BNC2: variants seen among roughly 807,000 people sequenced by gnomAD.
BNC2 encodes zinc finger protein basonuclin-2.
BNC2 carries 20 observed loss-of-function variants against 76.3 expected under a neutral mutation model. That is an observed-to-expected ratio of 0.26 (90% CI 0.18 to 0.38). The LOEUF is 0.38. Among genes scored for constraint, BNC2 ranks in the 10% least tolerant of loss-of-function variants. The probability of loss-of-function intolerance (pLI) is 1.00; values close to 1 mark genes in which losing one functional copy is unlikely to be tolerated. For missense variants in BNC2, 1,382 were observed against 1,399.8 expected (o/e 0.99, Z 0.20); for synonymous variants, 582 against 514.8 (o/e 1.13, Z -1.77).
intron 1 of BNC2, among the ~76,000 whole-genome samples, chr9:16,779,734 C>T (rs1826071256): frequency 6.6e-6 from 1 of 152,122 alleles, no homozygotes; most frequent in South Asian, 2.1e-4. Context: ...TTACAAAGTA[C>T]CACATATAGT....
At chr9:16,658,013 A>C (rs573103869) in intron 3 of BNC2, among the ~76,000 whole-genome samples, 1 of 152,322 alleles carries the variant, frequency 6.6e-6, no homozygotes, top group East Asian at 1.9e-4. Context: ...GAATAAACAG[A>C]AGTTCAATAA....
chr9:16,461,694 A>T (rs779432856), intron 5 of BNC2, among the ~76,000 whole-genome samples: 6 of 152,144 alleles, frequency 3.9e-5, no homozygotes, highest in African/African-American at 9.7e-5. Context: ...ATCACCAGGG[A>T]CTGCTCGCTC....
chr9:16,630,749 C>CTTTTTTCTTTTTT (rs1554691912), intron 3 of BNC2, among the ~76,000 whole-genome samples: 1 of 140,194 alleles, frequency 7.1e-6, no homozygotes, highest in African/African-American at 2.8e-5. Context: ...TGGAGCGTTT[C>CTTTTTTCTTTTTT]TTTTTTTGAA....
intron 4 of BNC2, among the ~76,000 whole-genome samples, chr9:16,573,276 A>G (rs1819382287): frequency 6.6e-6 from 1 of 152,048 alleles, no homozygotes; most frequent in African/African-American, 2.4e-5. Context: ...TCAAGCCAAG[A>G]TACAGAATTT....
intron 5 of BNC2, among the ~76,000 whole-genome samples, chr9:16,442,734 T>C: frequency 6.6e-6 from 1 of 152,168 alleles, no homozygotes; most frequent in Non-Finnish European, 1.5e-5. Flanking sequence ...GCTTTCTTTC[T>C]GTCCAAGAAT....
intron 1 of BNC2, among the ~76,000 whole-genome samples, chr9:16,827,885 T>A (rs1336912477): frequency 2.0e-5 from 3 of 152,224 alleles, no homozygotes; most frequent in African/African-American, 4.8e-5. Flanking sequence ...TTTGAATCCA[T>A]ATGATATGCC....
intron 1 of BNC2, among the ~76,000 whole-genome samples, chr9:16,751,141 C>A (rs1248887722): frequency 2.7e-5 from 4 of 148,854 alleles, no homozygotes; most frequent in Admixed American, 6.8e-5. Context: ...CAGGTAAGCA[C>A]AAGGAAAACA....
intron 5 of BNC2, among the ~76,000 whole-genome samples, chr9:16,541,576 A>C (rs981124747): frequency 6.6e-6 from 1 of 152,226 alleles, no homozygotes; most frequent in African/African-American, 2.4e-5. Flanking sequence ...GTAGCTCTTA[A>C]TTACTCTTTC....
chr9:16,644,321 G>A (rs1183936380), intron 3 of BNC2, among the ~76,000 whole-genome samples: 1 of 152,122 alleles, frequency 6.6e-6, no homozygotes, highest in Non-Finnish European at 1.5e-5. Flanking sequence ...TGAATCAAGT[G>A]ATCCCTTAGG....
chr9:16,755,972 T>C (rs990489909), intron 1 of BNC2, among the ~76,000 whole-genome samples: 3 of 152,198 alleles, frequency 2.0e-5, no homozygotes, highest in African/African-American at 7.2e-5. Context: ...TTTTACAATG[T>C]AGAGATACGT....
At chr9:16,652,847 G>C (rs1181448339) in intron 3 of BNC2, among the ~76,000 whole-genome samples, 1 of 152,132 alleles carries the variant, frequency 6.6e-6, no homozygotes, top group Non-Finnish European at 1.5e-5. Flanking sequence ...TCAGCAAAGA[G>C]TAACTGAAAC....
chr9:16,651,888 T>G (rs541671770), intron 3 of BNC2, among the ~76,000 whole-genome samples: 278 of 152,336 alleles, frequency 1.8e-3, no homozygotes, highest in Non-Finnish European at 3.4e-3. Context: ...GATTAGCATG[T>G]ATATATTAAA....
At chr9:16,477,438 C>T (rs898163667) in intron 5 of BNC2, among the ~76,000 whole-genome samples, 5 of 151,852 alleles carry the variant, frequency 3.3e-5, no homozygotes, top group African/African-American at 1.2e-4. Flanking sequence ...AAGCAACAGC[C>T]AAAGCTGTCT....
At chr9:16,420,946 A>AG (rs1820697556) in intron 6 of BNC2, among the ~76,000 whole-genome samples, 1 of 152,200 alleles carries the variant, frequency 6.6e-6, no homozygotes, top group African/African-American at 2.4e-5. Context: ...GATACATAAA[A>AG]GCTTCTCAAT....
intron 3 of BNC2, among the ~76,000 whole-genome samples, chr9:16,709,796 T>C (rs148664423): frequency 1.9e-3 from 290 of 152,288 alleles, no homozygotes; most frequent in African/African-American, 6.0e-3. Flanking sequence ...AGTTTAAGCA[T>C]TGTCAACATA....
At chr9:16,806,033 G>C (rs1018068523) in intron 1 of BNC2, among the ~76,000 whole-genome samples, 5 of 152,186 alleles carry the variant, frequency 3.3e-5, no homozygotes, top group Non-Finnish European at 4.4e-5. Context: ...AGAAGGAAAG[G>C]TGTGACCAAA....
intron 3 of BNC2, among the ~76,000 whole-genome samples, chr9:16,629,707 T>C (rs1011275471): frequency 6.6e-6 from 1 of 152,184 alleles, no homozygotes; most frequent in Non-Finnish European, 1.5e-5. Flanking sequence ...GTTTATTCGA[T>C]GCTGTAGTCT....
intron 3 of BNC2, chr9:16,685,524 G>A (rs1822949533): frequency 3.9e-6 from 5 of 1,292,902 alleles, no homozygotes; most frequent in South Asian, 3.7e-5. Context: ...CCCTAGCTGA[G>A]AAAACAGTTA....
At chr9:16,456,616 C>T (rs1190992994) in intron 5 of BNC2, among the ~76,000 whole-genome samples, 1 of 151,978 alleles carries the variant, frequency 6.6e-6, no homozygotes, top group Non-Finnish European at 1.5e-5. Flanking sequence ...CTCCTGCATC[C>T]AGTCTCTGTC....
Sources: gnomAD v4.1 joint callset for allele counts (sites outside exome capture counted in the v4.1 genomes callset) on GRCh38, gnomAD v4.1.1 for gene constraint, MANE v1.5 for transcripts, NCBI Gene and HGNC (gene_info 2026-07-23, HGNC 2026-07-21) for gene names.